The following PRDM15 variants were observed in gnomAD, a reference collection of about 807,000 sequenced individuals.
PRDM15 encodes the protein PR/SET domain 15, also known as PR domain zinc finger protein 15.
A neutral mutation model predicts 128.6 loss-of-function variants in PRDM15; 64 were observed. The ratio of observed to expected loss-of-function variants is 0.50; its 90% CI spans 0.41 to 0.61. The LOEUF (loss-of-function observed/expected upper bound fraction) is 0.61. Ranked by LOEUF, PRDM15 falls within the 20% of genes least tolerant of loss-of-function variation. The pLI, the probability that PRDM15 is intolerant of heterozygous loss-of-function variation, is 0.00. For missense variants in PRDM15, 1,242 were observed against 1,569.1 expected (o/e 0.79, Z 3.52); for synonymous variants, 615 against 621.8 (o/e 0.99, Z 0.16).
At chr21:41,874,521 ATATATTT>A (rs1260231566) in intron 1 of PRDM15, among the ~76,000 whole-genome samples, 7 of 47,954 alleles carry the variant, frequency 1.5e-4, no homozygotes, top group African/African-American at 3.9e-4. Flanking sequence ...ATATATATAT[ATATATTT>A]TTTTTTTTTT....
At chr21:41,841,805 T>A (rs1490969359) in intron 6 of PRDM15, among the ~76,000 whole-genome samples, 2 of 152,226 alleles carry the variant, frequency 1.3e-5, no homozygotes, top group Non-Finnish European at 2.9e-5. Context: ...GTCTGATTTA[T>A]AAATTAAGAT....
In PRDM15 at chr21:41,801,725, GGAA is replaced by G; in HGVS notation, c.2944-6_2944-4del. On this transcript the variant is annotated splice_region_variant and splice_polypyrimidine_tract_variant and intron_variant, in intron 23 of 23. Coordinates refer to ENST00000398548, the MANE Select transcript of PRDM15 (RefSeq NM_001040424.3). ...GGGTCACCCAGGGTCACCACTACCT[GGAA>G]GATTCACACACAACAAAAATCCGTT... is the stretch of plus-strand genomic sequence containing the variant. 6.2e-7 allele frequency: 1 copy of G among 1,608,400 alleles called. No individual in the cohort carries two copies. The highest frequency in any genetic ancestry group is 8.5e-7 in the Non-Finnish European group (1 of 1,175,506).
chr21:41,807,002 C>CCACCACCAT (rs1263884564), intron 21 of PRDM15, among the ~76,000 whole-genome samples: 1 of 151,450 alleles, frequency 6.6e-6, no homozygotes, highest in East Asian at 1.9e-4. Context: ...ATCACCTCTA[C>CCACCACCAT]CACCACCATC....
At position 41,821,486 on chromosome 21, in the gene PRDM15, G is replaced by C. The variant is rs1239688132; in HGVS notation, c.1897-256C>G. ...TTTTGGAGAGCCCCTTCCATGCACA[G>C]GGGAGGCCTCGTGAGGGCTTCAGGC... On this transcript the variant is annotated intron_variant, in intron 15 of 23. Transcript: ENST00000398548. The surrounding 1 kb of genome is among the most constrained non-coding windows in gnomAD (Gnocchi z 5.4). Among the ~76,000 whole-genome samples the C allele has an allele frequency of 6.6e-6, 1 of 152,164 alleles. No individual in the cohort carries two copies. Among genetic ancestry groups the C allele is most frequent in the Admixed American group, 6.5e-5 (1 of 15,284 alleles).
Position 41,839,529 on chromosome 21 carries a change from C to T in PRDM15, c.871+94G>A, listed in dbSNP as rs921727966. On this transcript the variant is annotated intron_variant, in intron 7 of 23. Transcript: ENST00000398548. ...ACGAGGCCTTTCTACACTGAGTTTTCCCGCCCCGCCCTCTGCCCCCTGCCC... is the reference window on the plus strand; with the variant it reads ...ACGAGGCCTTTCTACACTGAGTTTTTCCGCCCCGCCCTCTGCCCCCTGCCC... 2.2e-5 allele frequency: 21 copies of T among 973,032 alleles called. No individual in the cohort carries two copies. In the Admixed American group the frequency reaches 4.1e-4, roughly 19 times the overall value. 60.3% of individuals were successfully genotyped at this position (973,032 alleles called of 1,614,324 possible).
intron 1 of PRDM15, among the ~76,000 whole-genome samples, chr21:41,873,009 C>A (rs2064268913): frequency 6.6e-6 from 1 of 152,124 alleles, no homozygotes; most frequent in Non-Finnish European, 1.5e-5. Context: ...CTTCCCGCAC[C>A]CTGCGATTGC....
intron 9 of PRDM15, 52 bp downstream of exon 9, chr21:41,836,414 CCA>C: frequency 6.4e-7 from 1 of 1,559,812 alleles, no homozygotes; most frequent in South Asian, 1.2e-5. Flanking sequence ...CCTCCCACCC[CCA>C]GCCCCAGTCC....
chr21:41,804,516 G>A lies in PRDM15; in HGVS notation c.2733+18C>T, dbSNP rs371408887. The A allele has an allele frequency of 4.5e-6, 7 of 1,554,638 alleles. No individual in the cohort carries two copies. Among genetic ancestry groups the A allele is most frequent in the African/African-American group, 2.7e-5 (2 of 73,470 alleles). Reference sequence around the variant, plus strand: ...TTACCCCAAAGTTTCTGAGCCCCTGGGGCCCCATGCTGCTCACCTGGACGA... The same window carrying A: ...TTACCCCAAAGTTTCTGAGCCCCTGAGGCCCCATGCTGCTCACCTGGACGA... On this transcript the variant is annotated intron_variant, in intron 22 of 23. Coordinates refer to ENST00000398548, the MANE Select transcript of PRDM15 (RefSeq NM_001040424.3).
chr21:41,839,602 T>TC (rs1259487352), intron 7 of PRDM15, 21 bp downstream of exon 7: 1 of 1,533,616 alleles, frequency 6.5e-7, no homozygotes, highest in East Asian at 2.6e-5. Flanking sequence ...CAGGCACTCA[T>TC]CCCCGGGACC....
rs145731346 is a variant in PRDM15, at chr21:41,832,547, T to C, written c.1366+2890A>G. Among the ~76,000 whole-genome samples the C allele has an allele frequency of 2.0e-5, 3 of 152,138 alleles. No homozygotes were observed. The highest frequency in any genetic ancestry group is 1.5e-5 in the Non-Finnish European group (1 of 68,002). The stretch of plus-strand genomic sequence containing the variant: ...ACCTTTACAGTGCTGTGGCATTGGA[T>C]TGCCACACTCCCCTCAACCTGGGCC... On this transcript the variant is annotated intron_variant, in intron 11 of 23. Transcript: ENST00000398548. The surrounding 1 kb of genome is among the most constrained non-coding windows in gnomAD (Gnocchi z 4.2).
intron 4 of PRDM15, among the ~76,000 whole-genome samples, chr21:41,855,789 C>G (rs1185147162): frequency 6.6e-6 from 1 of 152,222 alleles, no homozygotes; most frequent in African/African-American, 2.4e-5. Flanking sequence ...CTGTGTACGT[C>G]GACCGGATGG....
rs759782201 is a variant in PRDM15, at chr21:41,854,515, T to C, written c.538+51A>G. On this transcript the variant is annotated intron_variant, in intron 5 of 23. Coordinates refer to ENST00000398548, the MANE Select transcript of PRDM15 (RefSeq NM_001040424.3). This position sits in a 1 kb window ranked among gnomAD's most constrained non-coding sequence, Gnocchi z 4.6. ...CACAGAGCCAAGGGACCATAACCCC[T>C]TCGGCGAGGCACAAGGGAAGGTGGG... is the stretch of plus-strand genomic sequence containing the variant. 10 of 1,602,492 alleles carry C rather than the reference T, an allele frequency of 6.2e-6. No individual in the cohort carries two copies. In the Admixed American group the frequency reaches 1.2e-4, roughly 19 times the overall value.
At chr21:41,824,886 G>C (rs28738914) in intron 13 of PRDM15, among the ~76,000 whole-genome samples, 3 of 152,096 alleles carry the variant, frequency 2.0e-5, no homozygotes, top group Non-Finnish European at 2.9e-5. Context: ...CTCGGTGATG[G>C]TGCTGCATGC....
In PRDM15 at chr21:41,832,656, G is replaced by A. The variant is rs992797563; in HGVS notation, c.1366+2781C>T. 1.4e-4 allele frequency among the ~76,000 whole-genome samples: 22 copies of A among 152,098 alleles called. No homozygotes were observed. The highest frequency in any genetic ancestry group is 1.3e-3 in the Admixed American group (20 of 15,280). On this transcript the variant is annotated intron_variant, in intron 11 of 23. Coordinates refer to ENST00000398548, the MANE Select transcript of PRDM15 (RefSeq NM_001040424.3). The surrounding 1 kb of genome is among the most constrained non-coding windows in gnomAD (Gnocchi z 4.2). ...CTCCCTCCCGGGCAGGTGCTAAAGA[G>A]CACAGGTGAGCCTCCTTCCCAGGCA...
chr21:41,822,304 C>T (rs2062305854), intron 14 of PRDM15, among the ~76,000 whole-genome samples: 1 of 152,264 alleles, frequency 6.6e-6, no homozygotes, highest in Admixed American at 6.5e-5. Context: ...AATCTGTGCC[C>T]AGGGCCAGGC....
At chr21:41,841,721 C>T (rs889472797) in intron 6 of PRDM15, among the ~76,000 whole-genome samples, 44 of 152,280 alleles carry the variant, frequency 2.9e-4, no homozygotes, top group African/African-American at 8.7e-4. Flanking sequence ...TTGTTAGATG[C>T]GGCATTGTAA....
At chr21:41,861,491 G>A (rs1453110840) in intron 1 of PRDM15, 2 of 1,319,138 alleles carry the variant, frequency 1.5e-6, no homozygotes, top group African/African-American at 1.5e-5. Context: ...AGCATAAAGT[G>A]AGATACACAC....
rs140339477 is a variant in PRDM15, at chr21:41,861,931, G to A, written c.-9-1559C>T. On this transcript the variant is annotated intron_variant, in intron 1 of 23. Coordinates refer to ENST00000398548, the MANE Select transcript of PRDM15 (RefSeq NM_001040424.3). The stretch of plus-strand genomic sequence containing the variant: ...TCTTTTCCTGGGAACACACATTCAC[G>A]TTCAAAGGTATCTCGTGCGGCTCTA... 3.7e-5 allele frequency: 59 copies of A among 1,613,610 alleles called. No individual in the cohort carries two copies. In the African/African-American group the frequency reaches 5.6e-4, roughly 15 times the overall value.
rs754283366 is a variant in PRDM15 at position 41,859,125 on chromosome 21, G to A, written c.131+467C>T. The A allele has an allele frequency of 6.2e-7, 1 of 1,611,390 alleles. No individual in the cohort carries two copies. The highest frequency in any genetic ancestry group is 8.5e-7 in the Non-Finnish European group (1 of 1,179,378). ...CTGAGCCGCCTCACCAGGCCTGCAG[G>A]GACTGCTTCTGGAAGCTGCTGTGGG... On this transcript the variant is annotated intron_variant, in intron 3 of 23. Transcript: ENST00000398548. The surrounding 1 kb of genome is among the most constrained non-coding windows in gnomAD (Gnocchi z 5.3).
Sources: gnomAD v4.1 joint callset for allele counts (sites outside exome capture counted in the v4.1 genomes callset) on GRCh38, gnomAD v4.1.1 for gene constraint, Gnocchi (gnomAD v3.1) non-coding constraint, MANE v1.5 for transcripts, NCBI Gene and HGNC (gene_info 2026-07-23, HGNC 2026-07-21) for gene names.